DGKB: variants seen among roughly 807,000 people sequenced by gnomAD.
DGKB encodes the protein 90 kDa diacylglycerol kinase.
Under a neutral mutation model 114.3 loss-of-function variants are expected in DGKB, and 67 were observed. The ratio of observed to expected loss-of-function variants is 0.59; its 90% CI spans 0.48 to 0.72. DGKB has a LOEUF of 0.72. Among genes scored for constraint, DGKB ranks in the 30% least tolerant of loss-of-function variants. The probability of loss-of-function intolerance (pLI) is 0.00; values close to 1 mark genes in which losing one functional copy is unlikely to be tolerated. For synonymous variants in DGKB, 398 were observed against 323.1 expected (o/e 1.23, Z -2.49); for missense variants, 907 against 975.2 (o/e 0.93, Z 0.93).
intron 4 of DGKB, chr7:14,750,144 C>A (rs755082087): frequency 1.9e-6 from 1 of 518,548 alleles, no homozygotes; most frequent in Non-Finnish European, 3.9e-6. Flanking sequence ...TTGCCCAACA[C>A]CACAAGCTTC....
chr7:14,811,612 A>G (rs1289131232), intron 2 of DGKB, among the ~76,000 whole-genome samples: 1 of 152,190 alleles, frequency 6.6e-6, no homozygotes, highest in Non-Finnish European at 1.5e-5. Context: ...AAAAATGAGT[A>G]TATCATATCA....
intron 13 of DGKB, among the ~76,000 whole-genome samples, chr7:14,637,765 A>C (rs1375185655): frequency 6.6e-6 from 1 of 151,930 alleles, no homozygotes; most frequent in Non-Finnish European, 1.5e-5. Context: ...ATTGTCTCAC[A>C]AAGGTTTGCT....
chr7:14,513,162 C>T (rs1219059007), intron 20 of DGKB, among the ~76,000 whole-genome samples: 1 of 151,936 alleles, frequency 6.6e-6, no homozygotes, highest in Non-Finnish European at 1.5e-5. Flanking sequence ...TAATAACAGC[C>T]TTTTAATATT....
At chr7:14,773,927 A>G (rs1837781658) in intron 2 of DGKB, among the ~76,000 whole-genome samples, 1 of 151,726 alleles carries the variant, frequency 6.6e-6, no homozygotes. Context: ...AAGGGGGAAA[A>G]AGGCTCCTAC....
chr7:14,615,843 C>T (rs1422284644), intron 15 of DGKB, among the ~76,000 whole-genome samples: 1 of 151,526 alleles, frequency 6.6e-6, no homozygotes, highest in Non-Finnish European at 1.5e-5. Flanking sequence ...ATTCCAGATT[C>T]TGGTTTTCAG....
At chr7:14,152,406 G>C (rs996370774) in intron 25 of DGKB, among the ~76,000 whole-genome samples, 6 of 152,072 alleles carry the variant, frequency 3.9e-5, no homozygotes, top group African/African-American at 1.4e-4. Context: ...CTCATAAACA[G>C]TGGTGACGGG....
intron 15 of DGKB, among the ~76,000 whole-genome samples, chr7:14,617,112 A>G (rs1347145787): frequency 6.6e-6 from 1 of 151,710 alleles, no homozygotes; most frequent in Admixed American, 6.6e-5. Flanking sequence ...TCTGTCCTTT[A>G]ATGATCTCAT....
chr7:14,799,612 A>G (rs1841872785), intron 2 of DGKB, among the ~76,000 whole-genome samples: 2 of 152,192 alleles, frequency 1.3e-5, no homozygotes, highest in South Asian at 4.1e-4. Flanking sequence ...GGCTCTCCCT[A>G]CAACTAAGAA....
intron 2 of DGKB, among the ~76,000 whole-genome samples, chr7:14,812,561 T>C (rs918126798): frequency 1.3e-5 from 2 of 152,186 alleles, no homozygotes; most frequent in Non-Finnish European, 2.9e-5. Flanking sequence ...ACTTCACCTG[T>C]AGAAATATCA....
intron 23 of DGKB, among the ~76,000 whole-genome samples, chr7:14,224,356 T>C (rs1790451923): frequency 6.6e-6 from 1 of 152,182 alleles, no homozygotes; most frequent in South Asian, 2.1e-4. Context: ...TATTTTTATG[T>C]ATAATGTATT....
chr7:14,507,121 G>A (rs1220717975), intron 20 of DGKB, among the ~76,000 whole-genome samples: 1 of 152,142 alleles, frequency 6.6e-6, no homozygotes, highest in African/African-American at 2.4e-5. Context: ...ATTGTGTTAA[G>A]CCATAGAGAT....
intron 2 of DGKB, among the ~76,000 whole-genome samples, chr7:14,840,886 A>C (rs1847846511): frequency 6.7e-6 from 1 of 150,032 alleles, no homozygotes. Flanking sequence ...CAGTATTACC[A>C]CTCTCCATTT....
chr7:14,904,091 T>C (rs1783515892), upstream of DGKB, among the ~76,000 whole-genome samples: 1 of 152,132 alleles, frequency 6.6e-6, no homozygotes, highest in African/African-American at 2.4e-5. Flanking sequence ...AACTTAGAAA[T>C]GGAAGACGTT....
intron 23 of DGKB, among the ~76,000 whole-genome samples, chr7:14,231,953 G>C (rs897671253): frequency 3.9e-5 from 6 of 151,996 alleles, no homozygotes; most frequent in African/African-American, 1.4e-4. Context: ...CATTCGGTGG[G>C]TTTGAGAGAA....
intron 21 of DGKB, among the ~76,000 whole-genome samples, chr7:14,441,887 C>A (rs1338330873): frequency 6.6e-6 from 1 of 151,910 alleles, no homozygotes; most frequent in Non-Finnish European, 1.5e-5. Context: ...ATTGAGTCAT[C>A]CTTGTATATT....
intron 12 of DGKB, among the ~76,000 whole-genome samples, chr7:14,678,930 A>T (rs1203972793): frequency 6.6e-6 from 1 of 152,036 alleles, no homozygotes; most frequent in African/African-American, 2.4e-5. Flanking sequence ...AGTAAAAAAA[A>T]TTGACTTCAA....
At chr7:14,558,329 T>A (rs1313746825) in intron 20 of DGKB, among the ~76,000 whole-genome samples, 2 of 151,960 alleles carry the variant, frequency 1.3e-5, no homozygotes, top group African/African-American at 4.8e-5. Context: ...AGTTTATAAA[T>A]CTTCTTCTGA....
chr7:14,209,639 A>G (rs997992723), intron 23 of DGKB: 2 of 387,472 alleles, frequency 5.2e-6, no homozygotes, highest in Admixed American at 7.5e-5. Context: ...CATTTGAAGA[A>G]AAAAAGAAGC....
At chr7:14,617,852 T>C (rs1027674160) in intron 15 of DGKB, among the ~76,000 whole-genome samples, 3 of 151,666 alleles carry the variant, frequency 2.0e-5, no homozygotes, top group Admixed American at 6.6e-5. Flanking sequence ...TATCACTTTA[T>C]TAATGGGGCC....
Sources: gnomAD v4.1 joint callset for allele counts (sites outside exome capture counted in the v4.1 genomes callset) on GRCh38, gnomAD v4.1.1 for gene constraint, MANE v1.5 for transcripts, NCBI Gene and HGNC (gene_info 2026-07-23, HGNC 2026-07-21) for gene names.